The following CDH13 variants were observed in gnomAD, a reference collection of about 807,000 sequenced individuals.
CDH13 encodes cadherin-13.
Under a neutral mutation model 63.8 loss-of-function variants are expected in CDH13, and 24 were observed. The ratio of observed to expected loss-of-function variants is 0.38; its 90% CI spans 0.27 to 0.53. CDH13 has a LOEUF of 0.53. CDH13 is among the 20% of genes least tolerant of loss of function. CDH13 has a pLI of 0.85. For synonymous variants in CDH13, 503 were observed against 355.3 expected, an observed-to-expected ratio of 1.42 and a Z score of -4.67; for missense variants, 1,049 against 903.1, an observed-to-expected ratio of 1.16 and a Z score of -2.07.
chr16:82,913,764 T>C (rs2151269201), intron 2 of CDH13, among the ~76,000 whole-genome samples: 1 of 150,830 alleles, frequency 6.6e-6, no homozygotes, highest in Non-Finnish European at 1.5e-5. Flanking sequence ...AAGTAGTCAT[T>C]TGGGAGATGA....
At position 82,827,035 on chromosome 16, in the gene CDH13, C is replaced by T. The variant is rs1333380248; in HGVS notation, c.46-31327C>T. Among the ~76,000 whole-genome samples, 5 of 152,216 alleles carry T rather than the reference C, an allele frequency of 3.3e-5. 1 individual carries two copies. The East Asian group carries it at 9.6e-4, about 29-fold the overall frequency. On this transcript the variant is annotated intron_variant, in intron 1 of 13. Coordinates refer to ENST00000567109, the MANE Select transcript of CDH13 (RefSeq NM_001257.5). ...CTGGCATGTTTTGCTTATCCTCTGC[C>T]TGATGATAAAATAGGGGTTATTTCT...
In CDH13 at chr16:82,772,695, C is replaced by T. The variant is rs9940236; in HGVS notation, c.46-85667C>T. Among the ~76,000 whole-genome samples the T allele has an allele frequency of 6.6e-3, 1,000 of 152,324 alleles. 2 individuals are homozygous for T. Among genetic ancestry groups the T allele is most frequent in the Non-Finnish European group, 0.012 (783 of 68,028 alleles). ...GTAGATTTCATCATCATCATCCTCACTCTAACTATTATTATCATCTTTGTC... is the reference window on the plus strand; with the variant it reads ...GTAGATTTCATCATCATCATCCTCATTCTAACTATTATTATCATCTTTGTC... On this transcript the variant is annotated intron_variant, in intron 1 of 13. Coordinates refer to ENST00000567109, the MANE Select transcript of CDH13 (RefSeq NM_001257.5).
chr16:83,505,309 C>T (rs74570313), intron 7 of CDH13, among the ~76,000 whole-genome samples: 1 of 152,132 alleles, frequency 6.6e-6, no homozygotes. Flanking sequence ...TCTATCCTCA[C>T]CTTAGTGTAC....
At chr16:83,479,500 C>T (rs570273719) in intron 6 of CDH13, among the ~76,000 whole-genome samples, 77 of 152,044 alleles carry the variant, frequency 5.1e-4, no homozygotes, top group Non-Finnish European at 8.1e-4. Flanking sequence ...ACTAAAAATA[C>T]AAAAAAATTA....
rs368335601 is a variant in CDH13, at chr16:83,776,746, A to G, written c.1682-3222A>G. ...CTTATCCTCGTAGGGGTCATGACAC[A>G]TTTAATTATGGGTCATTGACTCCTC... is the stretch of plus-strand genomic sequence containing the variant. On this transcript the variant is annotated intron_variant, in intron 11 of 13. Transcript: ENST00000567109. 3.0e-4 allele frequency among the ~76,000 whole-genome samples: 46 copies of G among 152,262 alleles called. No homozygotes were observed. In the South Asian group the frequency reaches 8.7e-3, roughly 29 times the overall value.
intron 5 of CDH13, among the ~76,000 whole-genome samples, chr16:83,243,246 T>A (rs1036001894): frequency 4.6e-5 from 7 of 152,170 alleles, no homozygotes; most frequent in African/African-American, 1.4e-4. Flanking sequence ...TACCTGCGAC[T>A]GGGTAATTTA....
chr16:82,910,764 CT>C (rs2041805625), intron 2 of CDH13, among the ~76,000 whole-genome samples: 1 of 152,124 alleles, frequency 6.6e-6, no homozygotes, highest in Non-Finnish European at 1.5e-5. Flanking sequence ...AAAGGATTAC[CT>C]TTTTGGTTTT....
rs898458123 is a variant in CDH13 at position 82,788,145 on chromosome 16, G to C, written c.46-70217G>C. On this transcript the variant is annotated intron_variant, in intron 1 of 13. Coordinates refer to ENST00000567109, the MANE Select transcript of CDH13 (RefSeq NM_001257.5). Reference sequence around the variant, plus strand: ...GTGTGTCCAAGAAACTAGTAGGAATGCATCTAGGAACCAAAGTGTCTCCTT... The same window carrying C: ...GTGTGTCCAAGAAACTAGTAGGAATCCATCTAGGAACCAAAGTGTCTCCTT... Among the ~76,000 whole-genome samples, 7 of 152,190 alleles carry C rather than the reference G, an allele frequency of 4.6e-5. 1 individual carries two copies. Among genetic ancestry groups the C allele is most frequent in the Non-Finnish European group, 1.0e-4 (7 of 68,042 alleles).
At chr16:83,479,268 T>G (rs1229482762) in intron 6 of CDH13, among the ~76,000 whole-genome samples, 1 of 152,220 alleles carries the variant, frequency 6.6e-6, no homozygotes, top group African/African-American at 2.4e-5. Flanking sequence ...TCTTAAACCC[T>G]AAGTGGTTGG....
At chr16:83,019,327 A>T (rs1278833513) in intron 2 of CDH13, among the ~76,000 whole-genome samples, 1 of 152,072 alleles carries the variant, frequency 6.6e-6, no homozygotes, top group Non-Finnish European at 1.5e-5. Context: ...GCCTAGGCCT[A>T]CACAAGGTCA....
At chr16:82,661,744 A>G (rs1451287500) in intron 1 of CDH13, among the ~76,000 whole-genome samples, 3 of 152,264 alleles carry the variant, frequency 2.0e-5, no homozygotes, top group African/African-American at 7.2e-5. Context: ...TTAGCAGAGA[A>G]CACGGAGTAT....
In CDH13 at chr16:82,644,365, A is replaced by C. The variant is rs1909815661; in HGVS notation, c.45+17228A>C. On this transcript the variant is annotated intron_variant, in intron 1 of 13. Coordinates refer to ENST00000567109, the MANE Select transcript of CDH13 (RefSeq NM_001257.5). The surrounding 1 kb of genome is among the most constrained non-coding windows in gnomAD (Gnocchi z 5.7). The stretch of plus-strand genomic sequence containing the variant: ...TGCGTCTCCCTCTGTGCTCTCCATC[A>C]CCCCCCTACGGAGTTCCTTTGATTC... 6.6e-6 allele frequency among the ~76,000 whole-genome samples: 1 copy of C among 150,774 alleles called. No homozygotes were observed. The highest frequency in any genetic ancestry group is 2.1e-4 in the South Asian group (1 of 4,702).
chr16:83,491,687 C>G (rs1350840451), intron 7 of CDH13, among the ~76,000 whole-genome samples: 1 of 151,762 alleles, frequency 6.6e-6, no homozygotes, highest in Non-Finnish European at 1.5e-5. Context: ...GAGCTGAGCA[C>G]TTTTCTGTCT....
rs966609271 is a variant in CDH13, at chr16:83,047,695, T to C, written c.366+15477T>C. Reference sequence around the variant, plus strand: ...CTTACAATATCTGGCTGTGAATAAATAATTTCTTAATGACTTAGCAAATGC... The same window carrying C: ...CTTACAATATCTGGCTGTGAATAAACAATTTCTTAATGACTTAGCAAATGC... On this transcript the variant is annotated intron_variant, in intron 3 of 13. Transcript: ENST00000567109. This position sits in a 1 kb window ranked among gnomAD's most constrained non-coding sequence, Gnocchi z 4.9. Among the ~76,000 whole-genome samples, 1 of 152,222 alleles carries C rather than the reference T, an allele frequency of 6.6e-6. No individual in the cohort carries two copies. Among genetic ancestry groups the C allele is most frequent in the Non-Finnish European group, 1.5e-5 (1 of 68,038 alleles).
At chr16:83,690,576 G>C (rs975837404) in intron 10 of CDH13, among the ~76,000 whole-genome samples, 4 of 152,138 alleles carry the variant, frequency 2.6e-5, no homozygotes, top group Admixed American at 2.0e-4. Context: ...GATTAGGAAA[G>C]GGGGCAATTA....
intron 6 of CDH13, among the ~76,000 whole-genome samples, chr16:83,375,679 G>T (rs1277224191): frequency 6.6e-6 from 1 of 152,184 alleles, no homozygotes; most frequent in South Asian, 2.1e-4. Context: ...CTAGGGAGAA[G>T]GCAAAAGATC....
At chr16:83,136,363 G>A (rs779175085) in intron 4 of CDH13, among the ~76,000 whole-genome samples, 3 of 151,538 alleles carry the variant, frequency 2.0e-5, no homozygotes, top group African/African-American at 4.9e-5. Flanking sequence ...GTGTGCGCCT[G>A]TAGTCCCAGC....
chr16:83,260,971 G>A (rs192532315), intron 5 of CDH13, among the ~76,000 whole-genome samples: 159 of 152,162 alleles, frequency 1.0e-3, no homozygotes, highest in African/African-American at 3.5e-3. Context: ...AGCAGGAACT[G>A]GTGGAGATCT....
chr16:83,455,129 T>G (rs1413646220), intron 6 of CDH13, among the ~76,000 whole-genome samples: 1 of 152,254 alleles, frequency 6.6e-6, no homozygotes, highest in East Asian at 1.9e-4. Flanking sequence ...TTGTAGAGTT[T>G]GCTCAAGTCT....
Sources: gnomAD v4.1 joint callset for allele counts (sites outside exome capture counted in the v4.1 genomes callset) on GRCh38, gnomAD v4.1.1 for gene constraint, Gnocchi (gnomAD v3.1) non-coding constraint, MANE v1.5 for transcripts, NCBI Gene and HGNC (gene_info 2026-07-23, HGNC 2026-07-21) for gene names.